Variants in HTATIP2 observed in about 807,000 individuals in gnomAD.
HTATIP2 encodes the protein HIV-1 Tat interactive protein 2, also known as protein HTATIP2.
Under a neutral mutation model 24.7 loss-of-function variants are expected in HTATIP2, and 26 were observed. The observed-to-expected ratio is 1.05, with a 90% confidence interval of 0.77 to 1.46. The LOEUF (loss-of-function observed/expected upper bound fraction) is 1.46. Ranked by LOEUF, HTATIP2 falls within the 40% of genes most tolerant of loss-of-function variation. The probability of loss-of-function intolerance (pLI) is 0.00; values close to 1 mark genes in which losing one functional copy is unlikely to be tolerated. For missense variants in HTATIP2, 284 were observed against 289.6 expected, an observed-to-expected ratio of 0.98 and a Z score of 0.14; for synonymous variants, 99 against 113.2, an observed-to-expected ratio of 0.87 and a Z score of 0.79.
rs1248966395 is a variant in HTATIP2 at position 20,364,185 on chromosome 11, T to G, written c.-53T>G. On this transcript the variant is annotated 5_prime_UTR_variant, in exon 1 of 5. Coordinates refer to ENST00000451739, the MANE Select transcript of HTATIP2 (RefSeq NM_001098522.2). ...AGCCCTTGTTCCTCGGGATAAGGAC[T>G]GGCAGTCCCCTGACACCCTAAGACC... 6.5e-7 allele frequency: 1 copy of G among 1,540,028 alleles called. No homozygotes were observed. Among genetic ancestry groups the G allele is most frequent in the East Asian group, 2.3e-5 (1 of 43,840 alleles).
At position 20,363,919 on chromosome 11, in the gene HTATIP2, C is replaced by A. The variant is rs1042724045; in HGVS notation, c.-319C>A. 26 of 1,242,360 alleles carry A rather than the reference C, an allele frequency of 2.1e-5. No individual in the cohort carries two copies. Among genetic ancestry groups the A allele is most frequent in the Admixed American group, 4.2e-5 (1 of 23,740 alleles). 77.0% of individuals were successfully genotyped at this position (1,242,360 alleles called of 1,614,324 possible). A position where few individuals can be genotyped will look rare whatever the true frequency, so the allele number is the denominator to read the frequency against. On this transcript the variant is annotated 5_prime_UTR_variant, in exon 1 of 5. Coordinates refer to ENST00000451739, the MANE Select transcript of HTATIP2 (RefSeq NM_001098522.2). ...GGCCGGGGGCTGGCCCCAGGTAACC[C>A]CTCCGCGTATGGGACCGAGCTGGGC... is the stretch of plus-strand genomic sequence containing the variant.
In HTATIP2 at chr11:20,364,897, G is replaced by A. The variant is rs549885065; in HGVS notation, c.195+465G>A. Among the ~76,000 whole-genome samples the A allele has an allele frequency of 6.6e-5, 10 of 152,206 alleles. No homozygotes were observed. In the South Asian group the frequency reaches 1.0e-3, roughly 16 times the overall value. On this transcript the variant is annotated intron_variant, in intron 1 of 4. Transcript: ENST00000451739. ...ATAGGTCTATGGCAGTGAAAGGTGG[G>A]ATTATTCACTTACAAGAATTTGCCC...
intron 3 of HTATIP2, among the ~76,000 whole-genome samples, chr11:20,378,962 G>A (rs1026553356): frequency 6.6e-6 from 1 of 152,082 alleles, no homozygotes; most frequent in African/African-American, 2.4e-5. Flanking sequence ...GCATGAACCC[G>A]GGAAGCAGAG....
chr11:20,382,693 A>G (rs972510864), intron 4 of HTATIP2, among the ~76,000 whole-genome samples: 3 of 152,246 alleles, frequency 2.0e-5, no homozygotes, highest in South Asian at 2.1e-4. Context: ...GTGTCCTCAC[A>G]TGGCCTTTCT....
At chr11:20,379,493 C>T (rs963734069) in intron 3 of HTATIP2, among the ~76,000 whole-genome samples, 1 of 152,182 alleles carries the variant, frequency 6.6e-6, no homozygotes, top group African/African-American at 2.4e-5. Context: ...TGTATGAACT[C>T]CCCCGCCCCA....
At chr11:20,366,397 T>C (rs558036890) in intron 1 of HTATIP2, among the ~76,000 whole-genome samples, 116 of 152,230 alleles carry the variant, frequency 7.6e-4, no homozygotes, top group African/African-American at 2.7e-3. Context: ...AACCCTATTT[T>C]TCTTTAGTGT....
At chr11:20,368,055 A>G (rs1268131938) in intron 2 of HTATIP2, among the ~76,000 whole-genome samples, 1 of 152,198 alleles carries the variant, frequency 6.6e-6, no homozygotes, top group Non-Finnish European at 1.5e-5. Flanking sequence ...TATGTATCCC[A>G]GAACTTAAAG....
intron 1 of HTATIP2, among the ~76,000 whole-genome samples, chr11:20,364,690 G>C (rs1592316601): frequency 6.6e-6 from 1 of 152,172 alleles, no homozygotes; most frequent in Non-Finnish European, 1.5e-5. Context: ...AGCTGGGTCT[G>C]GGTTGTAATG....
At chr11:20,382,089 T>G in intron 3 of HTATIP2, 89 bp from the exon 4 acceptor site, 1 of 776,728 alleles carries the variant, frequency 1.3e-6, no homozygotes, top group Non-Finnish European at 2.2e-6. Flanking sequence ...AAAAGCAGAT[T>G]ATCTCAAAAC....
rs558900693 is a variant in HTATIP2, at chr11:20,367,709, A to C, written c.303+428A>C. On this transcript the variant is annotated intron_variant, in intron 2 of 4. Coordinates refer to ENST00000451739, the MANE Select transcript of HTATIP2 (RefSeq NM_001098522.2). ...CAACTTATTTTCATGTCAAGCTTTA[A>C]ACTTCTGGAATAGAACATCAGAACA... is the stretch of plus-strand genomic sequence containing the variant. 3.9e-5 allele frequency: 42 copies of C among 1,074,650 alleles called. 1 individual carries two copies. In the African/African-American group the frequency reaches 4.6e-4, roughly 12 times the overall value. 66.6% of individuals were successfully genotyped at this position (1,074,650 alleles called of 1,614,324 possible).
At chr11:20,373,424 A>C (rs1165744121) in intron 2 of HTATIP2, among the ~76,000 whole-genome samples, 1 of 152,228 alleles carries the variant, frequency 6.6e-6, no homozygotes, top group Non-Finnish European at 1.5e-5. Flanking sequence ...CTAAAGCCAA[A>C]TAAATTAGGG....
intron 1 of HTATIP2, among the ~76,000 whole-genome samples, chr11:20,364,933 C>G (rs1157311948): frequency 6.6e-6 from 1 of 151,894 alleles, no homozygotes; most frequent in Non-Finnish European, 1.5e-5. Flanking sequence ...TGCCTGACTT[C>G]CCAGGCTTGT....
At position 20,367,241 on chromosome 11, in the gene HTATIP2, G is replaced by C; in HGVS notation, c.263G>C (p.Gly88Ala). The C allele has an allele frequency of 6.2e-7, 1 of 1,614,152 alleles. No homozygotes were observed. Among genetic ancestry groups the C allele is most frequent in the Non-Finnish European group, 8.5e-7 (1 of 1,180,040 alleles). The change falls in exon 2 of 5, where the codon GGA becomes GCA. Residue 88 changes from glycine to alanine, a missense_variant. Physicochemically the swap from Gly to Ala is moderately conservative, Grantham distance 60. Coordinates refer to ENST00000451739, the MANE Select transcript of HTATIP2 (RefSeq NM_001098522.2). Reference protein sequence around the residue: ...YASAFQGHDVGFCCLGTTRGK... With the variant: ...YASAFQGHDVAFCCLGTTRGK... ...TCTGCCTTTCAAGGTCATGATGTTG[G>C]ATTCTGTTGCCTGGGTACCACCAGA...
Position 20,364,074 on chromosome 11 carries a change from C to CG in HTATIP2, c.-160dup. Reference sequence around the variant, plus strand: ...TGCTGGCTCAGGTGCGGGCGATGGCCGGGGAGCCGCGCCCCGCACGTGACT... The same window carrying CG: ...TGCTGGCTCAGGTGCGGGCGATGGCCGGGGGAGCCGCGCCCCGCACGTGACT... On this transcript the variant is annotated 5_prime_UTR_variant, in exon 1 of 5. It removes the in-frame stop codon of an upstream open reading frame in the 5' UTR. Transcript: ENST00000451739. The CG allele has an allele frequency of 2.2e-6, 3 of 1,367,486 alleles. No homozygotes were observed. Among genetic ancestry groups the CG allele is most frequent in the Non-Finnish European group, 2.8e-6 (3 of 1,060,374 alleles). The allele number at this position is 1,367,486 out of a possible 1,614,324, so 84.7% of individuals were successfully genotyped here.
At chr11:20,373,661 G>T (rs1051970911) in intron 2 of HTATIP2, among the ~76,000 whole-genome samples, 3 of 152,152 alleles carry the variant, frequency 2.0e-5, no homozygotes, top group African/African-American at 7.2e-5. Flanking sequence ...TCATTTTGTT[G>T]TGAATAACTA....
intron 2 of HTATIP2, 109 bp from the exon 3 acceptor site, chr11:20,376,471 T>G: frequency 2.5e-6 from 3 of 1,206,214 alleles, no homozygotes; most frequent in Non-Finnish European, 3.7e-6. Context: ...CACATTTTAT[T>G]TAGATCTCCA....
intron 3 of HTATIP2, among the ~76,000 whole-genome samples, chr11:20,378,483 T>C (rs1848475710): frequency 6.6e-6 from 1 of 152,164 alleles, no homozygotes; most frequent in South Asian, 2.1e-4. Context: ...TTTAAAACAC[T>C]GACACATGTG....
At position 20,364,161 on chromosome 11, in the gene HTATIP2, G is replaced by C; in HGVS notation, c.-77G>C. 6.6e-7 allele frequency: 1 copy of C among 1,510,412 alleles called. No homozygotes were observed. 93.6% of individuals were successfully genotyped at this position (1,510,412 alleles called of 1,614,324 possible). ...TATCCTCCTCCCTAACAGATAAACA[G>C]CCCTTGTTCCTCGGGATAAGGACTG... is the stretch of plus-strand genomic sequence containing the variant. On this transcript the variant is annotated 5_prime_UTR_variant, in exon 1 of 5. Coordinates refer to ENST00000451739, the MANE Select transcript of HTATIP2 (RefSeq NM_001098522.2).
At chr11:20,374,554 G>A (rs1592320536) in intron 2 of HTATIP2, among the ~76,000 whole-genome samples, 1 of 152,202 alleles carries the variant, frequency 6.6e-6, no homozygotes. Context: ...CAATGTGGTA[G>A]CTGAGCCCTT....
Sources: allele counts gnomAD v4.1 joint callset (sites outside exome capture counted in the v4.1 genomes callset), GRCh38; gene constraint gnomAD v4.1.1; transcripts MANE v1.5; gene names NCBI Gene and HGNC (gene_info 2026-07-23, HGNC 2026-07-21).